The following LRRC4C variants were observed in gnomAD, a reference collection of about 807,000 sequenced individuals.
The protein encoded by LRRC4C is leucine-rich repeat-containing protein 4C.
Under a neutral mutation model 33.6 loss-of-function variants are expected in LRRC4C, and 5 were observed. That is an observed-to-expected ratio of 0.15 (90% CI 0.08 to 0.31). The LOEUF (loss-of-function observed/expected upper bound fraction) is 0.31, where lower values mean the gene tolerates loss of function less well. LRRC4C is among the 10% of genes least tolerant of loss of function. The pLI is 1.00. For missense variants in LRRC4C, 560 were observed against 796.7 expected, an observed-to-expected ratio of 0.70 and a Z score of 3.58; for synonymous variants, 329 against 302.0, an observed-to-expected ratio of 1.09 and a Z score of -0.93.
rs1555125586 is a variant in LRRC4C at position 40,633,371 on chromosome 11, TTCTCTC to T, written c.-270+14765_-270+14770del. Among the ~76,000 whole-genome samples the T allele has an allele frequency of 3.6e-3, 348 of 96,004 alleles. 1 individual carries two copies. The highest frequency in any genetic ancestry group is 6.1e-3 in the South Asian group (15 of 2,452). The allele number at this position is 96,004 out of a possible 152,430, so 63.0% of individuals were successfully genotyped here. ...TTTCTTTCTTTCTTTCTTTCTTTCT[TTCTCTC>T]TCTTTCTTTCTTTCTTTCTTTTTTT... is the stretch of plus-strand genomic sequence containing the variant. On this transcript the variant is annotated intron_variant, in intron 3 of 6. Coordinates refer to ENST00000528697, the MANE Select transcript of LRRC4C (RefSeq NM_001258419.2).
chr11:40,995,465 C>T (rs527701256), intron 1 of LRRC4C, among the ~76,000 whole-genome samples: 1 of 152,022 alleles, frequency 6.6e-6, no homozygotes, highest in South Asian at 2.1e-4. Flanking sequence ...TATTTTCCAC[C>T]CATTTGCTCA....
At chr11:40,986,545 T>C (rs1853018308) in intron 1 of LRRC4C, among the ~76,000 whole-genome samples, 1 of 151,902 alleles carries the variant, frequency 6.6e-6, no homozygotes, top group Non-Finnish European at 1.5e-5. Flanking sequence ...TGGGCCATGA[T>C]TACATCACTG....
intron 3 of LRRC4C, among the ~76,000 whole-genome samples, chr11:40,539,990 T>A (rs1309761913): frequency 6.6e-6 from 1 of 152,202 alleles, no homozygotes; most frequent in Non-Finnish European, 1.5e-5. Context: ...TCATGTGGCT[T>A]CAGGAATAAA....
chr11:40,399,712 G>GACA (rs931727879), intron 3 of LRRC4C, among the ~76,000 whole-genome samples: 12 of 151,742 alleles, frequency 7.9e-5, no homozygotes, highest in East Asian at 1.9e-4. Context: ...CCACCACCAC[G>GACA]ACAACAACAA....
intron 4 of LRRC4C, among the ~76,000 whole-genome samples, chr11:40,294,784 G>A (rs1235975657): frequency 6.6e-6 from 1 of 152,032 alleles, no homozygotes; most frequent in Non-Finnish European, 1.5e-5. Context: ...CCGAGATTGG[G>A]CCATTGCACT....
At chr11:40,227,374 G>A (rs1864881398) in intron 5 of LRRC4C, among the ~76,000 whole-genome samples, 1 of 152,122 alleles carries the variant, frequency 6.6e-6, no homozygotes, top group Admixed American at 6.5e-5. Flanking sequence ...ACAGTTTTTA[G>A]CCTACCTGTA....
intron 3 of LRRC4C, among the ~76,000 whole-genome samples, chr11:40,483,671 A>T (rs1211802610): frequency 1.3e-5 from 2 of 152,080 alleles, no homozygotes; most frequent in African/African-American, 4.8e-5. Context: ...ATAGACACTG[A>T]AGATAGGTAT....
chr11:40,171,404 C>T (rs933632968), intron 5 of LRRC4C, among the ~76,000 whole-genome samples: 2 of 152,156 alleles, frequency 1.3e-5, no homozygotes, highest in African/African-American at 4.8e-5. Flanking sequence ...CTAGCAATAA[C>T]TGGAACCATC....
chr11:40,401,924 A>G (rs990269534), intron 3 of LRRC4C, among the ~76,000 whole-genome samples: 1 of 152,114 alleles, frequency 6.6e-6, no homozygotes, highest in African/African-American at 2.4e-5. Flanking sequence ...AAAATATTAG[A>G]TTTCTCTGAA....
At chr11:40,359,301 G>A (rs1261660133) in intron 3 of LRRC4C, among the ~76,000 whole-genome samples, 1 of 152,170 alleles carries the variant, frequency 6.6e-6, no homozygotes, top group East Asian at 1.9e-4. Context: ...CTCTGCTCTG[G>A]GGAACAGATC....
chr11:41,433,160 C>G (rs576343654), intron 1 of LRRC4C, among the ~76,000 whole-genome samples: 7 of 151,968 alleles, frequency 4.6e-5, no homozygotes, highest in Non-Finnish European at 8.8e-5. Context: ...ATGTGAAACA[C>G]GAGTTTATGA....
chr11:40,190,830 G>A (rs1861779824), intron 5 of LRRC4C, among the ~76,000 whole-genome samples: 1 of 152,112 alleles, frequency 6.6e-6, no homozygotes, highest in Non-Finnish European at 1.5e-5. Flanking sequence ...GACAATGATA[G>A]AAAATTGGAT....
At chr11:41,010,206 G>A (rs1055686988) in intron 1 of LRRC4C, among the ~76,000 whole-genome samples, 3 of 152,078 alleles carry the variant, frequency 2.0e-5, no homozygotes, top group African/African-American at 7.2e-5. Flanking sequence ...AAGCCACCCA[G>A]TATTTGGTAC....
At position 40,772,852 on chromosome 11, in the gene LRRC4C, T is replaced by C. The variant is rs1248611124; in HGVS notation, c.-406-124574A>G. 1.3e-5 allele frequency among the ~76,000 whole-genome samples: 2 copies of C among 152,158 alleles called. 1 individual carries two copies. Among genetic ancestry groups the C allele is most frequent in the Middle Eastern group, 6.3e-3 (2 of 316 alleles). On this transcript the variant is annotated intron_variant, in intron 2 of 6. Coordinates refer to ENST00000528697, the MANE Select transcript of LRRC4C (RefSeq NM_001258419.2). Reference sequence around the variant, plus strand: ...TGATTCAGCCATCCACTGATAGGTATATACACAAAACAAAGGAAATCAGTA... The same window carrying C: ...TGATTCAGCCATCCACTGATAGGTACATACACAAAACAAAGGAAATCAGTA...
chr11:40,678,775 G>A (rs1944535978), intron 2 of LRRC4C, among the ~76,000 whole-genome samples: 1 of 152,140 alleles, frequency 6.6e-6, no homozygotes, highest in Non-Finnish European at 1.5e-5. Flanking sequence ...GTGAGTCAGT[G>A]AAACCTCTTT....
intron 1 of LRRC4C, among the ~76,000 whole-genome samples, chr11:41,057,305 C>T (rs1001231704): frequency 6.6e-6 from 1 of 152,200 alleles, no homozygotes; most frequent in Non-Finnish European, 1.5e-5. Context: ...CCCTTGCCGC[C>T]TAAGACCCTC....
chr11:40,772,695 C>T (rs1949808189), intron 2 of LRRC4C, among the ~76,000 whole-genome samples: 1 of 152,072 alleles, frequency 6.6e-6, no homozygotes, highest in South Asian at 2.1e-4. Context: ...AAAACACAGG[C>T]AATAATGAAT....
intron 3 of LRRC4C, among the ~76,000 whole-genome samples, chr11:40,398,532 G>C (rs1200430808): frequency 6.6e-6 from 1 of 151,942 alleles, no homozygotes; most frequent in Non-Finnish European, 1.5e-5. Flanking sequence ...CAGTGATTCT[G>C]TCTGTAAAAA....
intron 5 of LRRC4C, among the ~76,000 whole-genome samples, chr11:40,142,277 CAAAAAAAA>C (rs10577509): frequency 6.6e-5 from 4 of 60,780 alleles, no homozygotes; most frequent in South Asian, 9.9e-4. Context: ...GATTCTGTCT[CAAAAAAAA>C]AAAAAAAAAA....
Sources: gnomAD v4.1 joint callset for allele counts (sites outside exome capture counted in the v4.1 genomes callset) on GRCh38, gnomAD v4.1.1 for gene constraint, MANE v1.5 for transcripts, NCBI Gene and HGNC (gene_info 2026-07-23, HGNC 2026-07-21) for gene names.